DAPK1: variants seen among roughly 807,000 people sequenced by gnomAD.
The protein encoded by DAPK1 is death-associated protein kinase 1.
A neutral mutation model predicts 144.9 loss-of-function variants in DAPK1; 56 were observed. The ratio of observed to expected loss-of-function variants is 0.39; its 90% CI spans 0.31 to 0.48. DAPK1 has a LOEUF of 0.48. Ranked by LOEUF, DAPK1 falls within the 20% of genes least tolerant of loss-of-function variation. The pLI, the probability that DAPK1 is intolerant of heterozygous loss-of-function variation, is 0.95. For synonymous variants in DAPK1, 690 were observed against 749.0 expected, an observed-to-expected ratio of 0.92 and a Z score of 1.29; for missense variants, 1,454 against 1,875.4, an observed-to-expected ratio of 0.78 and a Z score of 4.15.
chr9:87,617,970 C>T (rs948129741), intron 3 of DAPK1, among the ~76,000 whole-genome samples: 7 of 152,148 alleles, frequency 4.6e-5, no homozygotes, highest in African/African-American at 2.4e-5. Context: ...TCTAGTCTTC[C>T]GTGATGTCCT....
chr9:87,544,026 C>T (rs1826149324), intron 2 of DAPK1, among the ~76,000 whole-genome samples: 2 of 152,058 alleles, frequency 1.3e-5, no homozygotes, highest in South Asian at 2.1e-4. Flanking sequence ...TTTCAGTTAA[C>T]GTTTCAGAAG....
intron 21 of DAPK1, among the ~76,000 whole-genome samples, chr9:87,695,972 A>G (rs777775821): frequency 2.0e-5 from 3 of 152,138 alleles, no homozygotes; most frequent in Non-Finnish European, 4.4e-5. Context: ...GTCAGGAGTA[A>G]ATTCTGCAAG....
At chr9:87,531,338 T>A (rs1486970446) in intron 2 of DAPK1, among the ~76,000 whole-genome samples, 1 of 152,156 alleles carries the variant, frequency 6.6e-6, no homozygotes, top group African/African-American at 2.4e-5. Context: ...GAAGAAACAA[T>A]ATTTGAAAAT....
chr9:87,651,395 A>G, intron 16 of DAPK1, 132 bp from the exon 17 acceptor site: 5 of 835,372 alleles, frequency 6.0e-6, no homozygotes, highest in Admixed American at 4.3e-5. Context: ...CTTCATTTAA[A>G]TCCTCCACTA....
rs925036620 is a variant in DAPK1, at chr9:87,497,993, C to T, written c.-223C>T. Reference sequence around the variant, plus strand: ...GGCGCCTGGGAGGGATCTGCGCCCCCCACTCACTCCCTAGCTGTGTTCCCG... The same window carrying T: ...GGCGCCTGGGAGGGATCTGCGCCCCTCACTCACTCCCTAGCTGTGTTCCCG... On this transcript the variant is annotated 5_prime_UTR_variant, in exon 1 of 26. Transcript: ENST00000408954. 1.0e-5 allele frequency: 4 copies of T among 397,374 alleles called. No homozygotes were observed. Among genetic ancestry groups the T allele is most frequent in the African/African-American group, 2.1e-5 (1 of 48,598 alleles). The allele number at this position is 397,374 out of a possible 1,614,324, so 24.6% of individuals were successfully genotyped here.
intron 2 of DAPK1, among the ~76,000 whole-genome samples, chr9:87,600,860 G>A (rs971402760): frequency 1.3e-5 from 2 of 152,170 alleles, no homozygotes; most frequent in African/African-American, 4.8e-5. Flanking sequence ...AGGGACAAGC[G>A]CCCCCAGCGT....
chr9:87,659,896 G>A (rs572032957), intron 18 of DAPK1, among the ~76,000 whole-genome samples: 34 of 152,298 alleles, frequency 2.2e-4, no homozygotes, highest in South Asian at 6.2e-4. Flanking sequence ...AGACAGGCAC[G>A]CGCCCCTCAG....
intron 3 of DAPK1, among the ~76,000 whole-genome samples, chr9:87,607,646 G>A (rs1587764193): frequency 6.6e-6 from 1 of 152,076 alleles, no homozygotes; most frequent in African/African-American, 2.4e-5. Flanking sequence ...AGTGTTGGAG[G>A]AGGGTTGTGT....
At chr9:87,541,702 C>T (rs1826062773) in intron 2 of DAPK1, among the ~76,000 whole-genome samples, 1 of 152,116 alleles carries the variant, frequency 6.6e-6, no homozygotes, top group African/African-American at 2.4e-5. Flanking sequence ...TATTTTCAAA[C>T]TGAAGACAAC....
At chr9:87,637,596 AT>A (rs1829947223) in intron 3 of DAPK1, among the ~76,000 whole-genome samples, 1 of 152,162 alleles carries the variant, frequency 6.6e-6, no homozygotes, top group Admixed American at 6.5e-5. Context: ...TGGCTTGCAG[AT>A]TTTTTTCTCG....
chr9:87,522,021 A>G (rs1183299404), intron 2 of DAPK1, among the ~76,000 whole-genome samples: 4 of 152,206 alleles, frequency 2.6e-5, no homozygotes, highest in Non-Finnish European at 5.9e-5. Context: ...GCCCTCTGCC[A>G]CGTTTTGATG....
chr9:87,514,772 A>G (rs1824982290), intron 2 of DAPK1, among the ~76,000 whole-genome samples: 1 of 152,264 alleles, frequency 6.6e-6, no homozygotes, highest in Non-Finnish European at 1.5e-5. Context: ...GAGACTTGTC[A>G]TGACAGTGTC....
chr9:87,543,214 T>C (rs1826119603), intron 2 of DAPK1, among the ~76,000 whole-genome samples: 2 of 152,228 alleles, frequency 1.3e-5, no homozygotes, highest in Non-Finnish European at 2.9e-5. Context: ...TGCTTAAGAA[T>C]GTCTAAAACA....
intron 2 of DAPK1, among the ~76,000 whole-genome samples, chr9:87,545,283 G>A (rs183497610): frequency 1.9e-4 from 29 of 152,108 alleles, no homozygotes; most frequent in African/African-American, 6.5e-4. Flanking sequence ...CTTTAGAAAG[G>A]GTTCCTGAAC....
rs1257363079 is a variant in DAPK1 at position 87,528,884 on chromosome 9, A to T, written c.62+29745A>T. On this transcript the variant is annotated intron_variant, in intron 2 of 25. Coordinates refer to ENST00000408954, the MANE Select transcript of DAPK1 (RefSeq NM_004938.4). ...AAGACTCCATCTCAAAAAAAAAAAA[A>T]AAAAAAATCACCTCCAACCTCACAC... Among the ~76,000 whole-genome samples, 55 of 151,326 alleles carry T rather than the reference A, an allele frequency of 3.6e-4. 1 individual carries two copies. The highest frequency in any genetic ancestry group is 3.6e-3 in the Admixed American group (54 of 15,204).
chr9:87,689,972 G>A (rs1379310492), intron 21 of DAPK1, among the ~76,000 whole-genome samples: 2 of 152,140 alleles, frequency 1.3e-5, no homozygotes, highest in Non-Finnish European at 2.9e-5. Context: ...ACTCAGGATT[G>A]CTTTGGCTGT....
At chr9:87,508,922 G>A (rs961619909) in intron 2 of DAPK1, among the ~76,000 whole-genome samples, 3 of 152,196 alleles carry the variant, frequency 2.0e-5, no homozygotes, top group South Asian at 2.1e-4. Context: ...AGAGAGAAGA[G>A]GTCAGAATTT....
chr9:87,573,398 G>A lies in DAPK1; in HGVS notation c.63-31556G>A, dbSNP rs529333482. Among the ~76,000 whole-genome samples, 5 of 152,330 alleles carry A rather than the reference G, an allele frequency of 3.3e-5. No individual in the cohort carries two copies. The East Asian group carries it at 7.7e-4, about 23-fold the overall frequency. ...TGGAAACCCTGCTCCCTGGAGAGAT[G>A]GTGATACTGGCTTTCTGTTCATTGC... On this transcript the variant is annotated intron_variant, in intron 2 of 25. Transcript: ENST00000408954.
At chr9:87,599,879 A>G (rs1828451358) in intron 2 of DAPK1, among the ~76,000 whole-genome samples, 1 of 152,160 alleles carries the variant, frequency 6.6e-6, no homozygotes, top group Admixed American at 6.5e-5. Context: ...ACCTTGTTTT[A>G]TGTGTGTTTC....
Sources: gnomAD v4.1 joint callset for allele counts (sites outside exome capture counted in the v4.1 genomes callset) on GRCh38, gnomAD v4.1.1 for gene constraint, MANE v1.5 for transcripts, NCBI Gene and HGNC (gene_info 2026-07-23, HGNC 2026-07-21) for gene names.